The following PPP1R13B variants were observed in gnomAD, a reference collection of about 807,000 sequenced individuals.
PPP1R13B encodes protein phosphatase 1 regulatory subunit 13B, also known as apoptosis-stimulating of p53 protein 1.
Under a neutral mutation model 119.8 loss-of-function variants are expected in PPP1R13B, and 44 were observed. The ratio of observed to expected loss-of-function variants is 0.37; its 90% CI spans 0.29 to 0.47. The LOEUF (loss-of-function observed/expected upper bound fraction) is 0.47, where lower values mean the gene tolerates loss of function less well. Ranked by LOEUF, PPP1R13B falls within the 20% of genes least tolerant of loss-of-function variation. The probability of loss-of-function intolerance (pLI) is 0.99; values close to 1 mark genes in which losing one functional copy is unlikely to be tolerated. For synonymous variants in PPP1R13B, 542 were observed against 561.5 expected (o/e 0.97, Z 0.49); for missense variants, 1,227 against 1,413.5 (o/e 0.87, Z 2.12).
chr14:103,765,632 T>C (rs2084919873), intron 4 of PPP1R13B, among the ~76,000 whole-genome samples: 1 of 152,166 alleles, frequency 6.6e-6, no homozygotes. Flanking sequence ...GAACCAACAC[T>C]TTCCTGTGAG....
intron 1 of PPP1R13B, among the ~76,000 whole-genome samples, chr14:103,823,208 G>C (rs1567151689): frequency 1.3e-5 from 2 of 151,870 alleles, no homozygotes. Context: ...CGTGGTGGCG[G>C]GTGCCTGTAG....
At position 103,754,100 on chromosome 14, in the gene PPP1R13B, C is replaced by T. The variant is rs1026777873; in HGVS notation, c.601G>A (p.Asp201Asn). The T allele has an allele frequency of 2.5e-6, 4 of 1,613,834 alleles. No individual in the cohort carries two copies. The highest frequency in any genetic ancestry group is 1.6e-4 in the Middle Eastern group (1 of 6,084). Residue 201 changes from aspartate to asparagine, a missense_variant, in exon 6 of 17, where the codon GAC becomes AAC. Physicochemically the swap from Asp to Asn is conservative, Grantham distance 23. Transcript: ENST00000202556. ...TTGCCGTTCATGATTTTGCTGTAGTCGACTTGTCCTCTCATTGCACGAATT... is the reference window on the plus strand; with the variant it reads ...TTGCCGTTCATGATTTTGCTGTAGTTGACTTGTCCTCTCATTGCACGAATT... The part of the protein sequence containing the change: ...KKIRAMRGQV[D>N]YSKIMNGNLS...
intron 4 of PPP1R13B, among the ~76,000 whole-genome samples, chr14:103,769,346 C>T (rs534903127): frequency 6.6e-6 from 1 of 152,286 alleles, no homozygotes; most frequent in South Asian, 2.1e-4. Context: ...CCGCCTCAGC[C>T]TCCCAAAGTG....
intron 4 of PPP1R13B, among the ~76,000 whole-genome samples, chr14:103,767,491 C>A (rs2084964495): frequency 6.6e-6 from 1 of 152,104 alleles, no homozygotes; most frequent in African/African-American, 2.4e-5. Flanking sequence ...ACAATGACCT[C>A]ACAAGGCTCG....
At chr14:103,775,922 A>G (rs1012873794) in intron 4 of PPP1R13B, among the ~76,000 whole-genome samples, 21 of 152,126 alleles carry the variant, frequency 1.4e-4, no homozygotes, top group African/African-American at 4.8e-4. Context: ...TGGCAGAAGG[A>G]TTATGATATT....
intron 12 of PPP1R13B, 142 bp from the exon 13 acceptor site, chr14:103,739,165 C>T (rs571752245): frequency 1.9e-5 from 22 of 1,172,464 alleles, no homozygotes; most frequent in African/African-American, 1.2e-4. Flanking sequence ...GCAGTAGCAG[C>T]GCCCAGGTGA....
intron 4 of PPP1R13B, among the ~76,000 whole-genome samples, chr14:103,765,986 TTTATTATTA>T (rs56171368): frequency 1.9e-4 from 27 of 139,060 alleles, no homozygotes; most frequent in South Asian, 4.5e-4. Context: ...AAATTTTTAT[TTTATTATTA>T]TTATTATTAT....
At position 103,779,867 on chromosome 14, in the gene PPP1R13B, C is replaced by T. The variant is rs376907469; in HGVS notation, c.278-1046G>A. Among the ~76,000 whole-genome samples the T allele has an allele frequency of 1.4e-4, 21 of 151,586 alleles. No homozygotes were observed. The South Asian group carries it at 3.4e-3, about 24-fold the overall frequency. On this transcript the variant is annotated intron_variant, in intron 3 of 16. Transcript: ENST00000202556. Reference sequence around the variant, plus strand: ...AAAAAAATTTTCAAAAAGGCATTTGCGGCCAGGCATGGTGGCTCACGCCTG... The same window carrying T: ...AAAAAAATTTTCAAAAAGGCATTTGTGGCCAGGCATGGTGGCTCACGCCTG...
At chr14:103,807,352 ATTTG>A (rs1223801302) in intron 1 of PPP1R13B, among the ~76,000 whole-genome samples, 4 of 152,138 alleles carry the variant, frequency 2.6e-5, no homozygotes, top group Non-Finnish European at 5.9e-5. Flanking sequence ...CTATGTATAT[ATTTG>A]TTTATCCTCT....
At chr14:103,812,553 G>A (rs2086184976) in intron 1 of PPP1R13B, among the ~76,000 whole-genome samples, 1 of 151,720 alleles carries the variant, frequency 6.6e-6, no homozygotes, top group African/African-American at 2.4e-5. Flanking sequence ...CTGAGTAGCG[G>A]GGATTGGGGT....
chr14:103,735,569 G>A (rs2084086386), intron 16 of PPP1R13B, among the ~76,000 whole-genome samples: 1 of 152,234 alleles, frequency 6.6e-6, no homozygotes, highest in African/African-American at 2.4e-5. Context: ...AAAGAGAGCA[G>A]AGGCAGCTCC....
chr14:103,745,525 AACAG>A (rs1474615188), intron 9 of PPP1R13B, among the ~76,000 whole-genome samples: 1 of 152,236 alleles, frequency 6.6e-6, no homozygotes, highest in African/African-American at 2.4e-5. Flanking sequence ...CTGGTTGAGA[AACAG>A]ACTCTCCATG....
rs764470506 is a variant in PPP1R13B, at chr14:103,778,815, C to T, written c.284G>A (p.Arg95His). 1.1e-5 allele frequency: 18 copies of T among 1,613,354 alleles called. No homozygotes were observed. The highest frequency in any genetic ancestry group is 7.7e-5 in the South Asian group (7 of 91,046). The change falls in exon 4 of 17, where the codon CGT becomes CAT. Residue 95 changes from arginine (R) to histidine (H), a missense_variant. Coordinates refer to ENST00000202556, the MANE Select transcript of PPP1R13B (RefSeq NM_015316.3). ...CTGAGTTCGTTGCTCTTGGGTCTGACGGCCACCTAAAGAAATAAAAGAACC... is the reference window on the plus strand; with the variant it reads ...CTGAGTTCGTTGCTCTTGGGTCTGATGGCCACCTAAAGAAATAAAAGAACC... The part of the protein sequence containing the change: ...SPTENSEQGG[R>H]QTQEQRTQRN...
At chr14:103,763,148 C>G (rs1045778706) in intron 4 of PPP1R13B, 22 of 636,704 alleles carry the variant, frequency 3.5e-5, no homozygotes, top group East Asian at 8.3e-5. Flanking sequence ...CACCTTATGA[C>G]AGGGATAATG....
Position 103,742,633 on chromosome 14 carries a change from G to A in PPP1R13B, c.1320+21C>T. On this transcript the variant is annotated intron_variant, in intron 10 of 16. Transcript: ENST00000202556. This position sits in a 1 kb window ranked among gnomAD's most constrained non-coding sequence, Gnocchi z 4.9. ...CTGTTGAAGAGCCCGCTTGTGTTCT[G>A]TGGTAAAGACACAGGCCTACCGGCT... 6.2e-7 allele frequency: 1 copy of A among 1,611,058 alleles called. No individual in the cohort carries two copies. Among genetic ancestry groups the A allele is most frequent in the South Asian group, 1.1e-5 (1 of 90,794 alleles).
Position 103,734,099 on chromosome 14 carries a change from T to C in PPP1R13B, c.*1055A>G, listed in dbSNP as rs565623578. ...CCTGTACGTACAATTCACACCTCAGTGAAGCGCCCTCCTTGCCTTGAGGCT... is the reference window on the plus strand; with the variant it reads ...CCTGTACGTACAATTCACACCTCAGCGAAGCGCCCTCCTTGCCTTGAGGCT... On this transcript the variant is annotated 3_prime_UTR_variant, in exon 17 of 17. Transcript: ENST00000202556. 6.0e-4 allele frequency: 123 copies of C among 205,918 alleles called. 1 individual carries two copies. The highest frequency in any genetic ancestry group is 1.2e-3 in the Admixed American group (23 of 19,614). The allele number at this position is 205,918 out of a possible 1,614,324, so 12.8% of individuals were successfully genotyped here. A position where few individuals can be genotyped will look rare whatever the true frequency, so the allele number is the denominator to read the frequency against.
chr14:103,842,081 C>T (rs1344628648), intron 1 of PPP1R13B, among the ~76,000 whole-genome samples: 1 of 152,132 alleles, frequency 6.6e-6, no homozygotes, highest in African/African-American at 2.4e-5. Context: ...TCTCAAAATG[C>T]TTCTACATAG....
chr14:103,781,386 C>A (rs1207899064), intron 3 of PPP1R13B, among the ~76,000 whole-genome samples: 1 of 152,072 alleles, frequency 6.6e-6, no homozygotes. Context: ...GAGCCCGGAG[C>A]CTTGGTGTCC....
intron 4 of PPP1R13B, among the ~76,000 whole-genome samples, chr14:103,759,036 G>A (rs984519424): frequency 1.9e-4 from 29 of 148,812 alleles, no homozygotes; most frequent in African/African-American, 7.0e-4. Context: ...TTAGCTCACT[G>A]CAACCTCCGC....
Sources: gnomAD v4.1 joint callset for allele counts (sites outside exome capture counted in the v4.1 genomes callset) on GRCh38, gnomAD v4.1.1 for gene constraint, Gnocchi (gnomAD v3.1) non-coding constraint, MANE v1.5 for transcripts, NCBI Gene and HGNC (gene_info 2026-07-23, HGNC 2026-07-21) for gene names.